Variants in MIPOL1 observed in about 807,000 individuals in gnomAD.
MIPOL1 encodes the protein mirror-image polydactyly 1.
A neutral mutation model predicts 60.9 loss-of-function variants in MIPOL1; 57 were observed. The ratio of observed to expected loss-of-function variants is 0.94; its 90% CI spans 0.76 to 1.17. The LOEUF is 1.17. MIPOL1 is among the 50% of genes most tolerant of loss of function. The pLI is 0.00. For missense variants in MIPOL1, 551 were observed against 511.6 expected, an observed-to-expected ratio of 1.08 and a Z score of -0.74; for synonymous variants, 179 against 168.8, an observed-to-expected ratio of 1.06 and a Z score of -0.47.
chr14:37,287,791 A>T (rs570794652), intron 7 of MIPOL1, among the ~76,000 whole-genome samples: 1 of 151,896 alleles, frequency 6.6e-6, no homozygotes, highest in Non-Finnish European at 1.5e-5. Context: ...TTTAATCTAT[A>T]TTTATTTTTT....
intron 12 of MIPOL1, among the ~76,000 whole-genome samples, chr14:37,511,813 G>T (rs1400693643): frequency 6.6e-6 from 1 of 151,996 alleles, no homozygotes; most frequent in Admixed American, 6.6e-5. Flanking sequence ...TTTACTGTGG[G>T]CCAGATTTAC....
chr14:37,268,768 A>C lies in MIPOL1; in HGVS notation c.362A>C (p.Asp121Ala). The change falls in exon 5 of 13, where the codon GAT becomes GCT. Residue 121 changes from aspartate to alanine, a missense_variant. Coordinates refer to ENST00000684589, the MANE Select transcript of MIPOL1 (RefSeq NM_001388067.1). ...ATAGCATTTCTTCTAAAAGAATTGG[A>C]TATTCTCAGAACAAGCAATAAAAAG... ...KTIAFLLKELDILRTSNKKLQ... is the reference protein window; with the variant it reads ...KTIAFLLKELAILRTSNKKLQ... 1 of 1,591,632 alleles carries C rather than the reference A, an allele frequency of 6.3e-7. No individual in the cohort carries two copies. Among genetic ancestry groups the C allele is most frequent in the Non-Finnish European group, 8.6e-7 (1 of 1,165,970 alleles).
At chr14:37,537,393 T>C (rs1193124648) in intron 12 of MIPOL1, among the ~76,000 whole-genome samples, 1 of 152,160 alleles carries the variant, frequency 6.6e-6, no homozygotes, top group Non-Finnish European at 1.5e-5. Context: ...ACATCCCTGC[T>C]AGTGTCAATT....
At position 37,217,437 on chromosome 14, in the gene MIPOL1, A is replaced by T. The variant is rs1382386494; in HGVS notation, c.-199+19333A>T. Among the ~76,000 whole-genome samples, 4 of 152,316 alleles carry T rather than the reference A, an allele frequency of 2.6e-5. No individual in the cohort carries two copies. The East Asian group carries it at 7.7e-4, about 29-fold the overall frequency. On this transcript the variant is annotated intron_variant, in intron 1 of 12. Transcript: ENST00000684589. ...TGATACCAAAACCAGACAAAGACAC[A>T]TCAAAAAAAGAAAGCCACAGTCCAA...
chr14:37,376,154 A>C (rs947988459), intron 10 of MIPOL1, among the ~76,000 whole-genome samples: 1 of 152,174 alleles, frequency 6.6e-6, no homozygotes, highest in East Asian at 1.9e-4. Context: ...AGAGTGGTAC[A>C]TTTGTTATAG....
intron 1 of MIPOL1, among the ~76,000 whole-genome samples, chr14:37,222,904 C>G (rs1969054806): frequency 6.6e-6 from 1 of 152,112 alleles, no homozygotes; most frequent in South Asian, 2.1e-4. Flanking sequence ...CAGCCCTACT[C>G]CTTGGTATTG....
chr14:37,501,268 A>G (rs747831605), intron 12 of MIPOL1, among the ~76,000 whole-genome samples: 3 of 152,216 alleles, frequency 2.0e-5, no homozygotes, highest in Non-Finnish European at 4.4e-5. Context: ...ATGTACGTTA[A>G]TATTCTAAGA....
intron 1 of MIPOL1, among the ~76,000 whole-genome samples, chr14:37,201,929 T>C (rs972834718): frequency 4.6e-5 from 7 of 152,042 alleles, no homozygotes; most frequent in Non-Finnish European, 8.8e-5. Context: ...TGACCTGGGG[T>C]CAAGCTGTCT....
chr14:37,467,925 G>A (rs2094622035), intron 11 of MIPOL1, among the ~76,000 whole-genome samples: 1 of 151,684 alleles, frequency 6.6e-6, no homozygotes, highest in Non-Finnish European at 1.5e-5. Context: ...GTGGTGGTGT[G>A]CGCCTGTAAT....
At chr14:37,455,808 T>G (rs1246673028) in intron 11 of MIPOL1, among the ~76,000 whole-genome samples, 1 of 152,166 alleles carries the variant, frequency 6.6e-6, no homozygotes, top group Non-Finnish European at 1.5e-5. Flanking sequence ...AATTTTTTTC[T>G]TCATGCACTT....
chr14:37,459,011 G>T (rs919409564), intron 11 of MIPOL1, among the ~76,000 whole-genome samples: 2 of 151,944 alleles, frequency 1.3e-5, no homozygotes, highest in African/African-American at 4.8e-5. Flanking sequence ...TACAGCAAAA[G>T]CAGTGCTAAG....
chr14:37,460,112 AT>A (rs1314632489), intron 11 of MIPOL1, among the ~76,000 whole-genome samples: 4 of 130,882 alleles, frequency 3.1e-5, no homozygotes, highest in African/African-American at 1.0e-4. Flanking sequence ...AATAATAATA[AT>A]AATAAAATTC....
intron 3 of MIPOL1, 41 bp from the exon 4 acceptor site, chr14:37,266,897 G>A (rs1382026667): frequency 2.3e-6 from 3 of 1,288,952 alleles, no homozygotes; most frequent in Admixed American, 1.8e-5. Context: ...TGCAGTTATG[G>A]TGTTTAATAT....
At chr14:37,450,981 G>A (rs1295872165) in intron 11 of MIPOL1, among the ~76,000 whole-genome samples, 3 of 151,958 alleles carry the variant, frequency 2.0e-5, no homozygotes, top group Admixed American at 2.0e-4. Context: ...AAAATATTCT[G>A]TATTCACTTA....
intron 12 of MIPOL1, among the ~76,000 whole-genome samples, chr14:37,519,066 T>C (rs1190471789): frequency 3.9e-5 from 6 of 152,132 alleles, no homozygotes; most frequent in Non-Finnish European, 5.9e-5. Context: ...ATGATACAAT[T>C]AGAAAATCAG....
intron 11 of MIPOL1, among the ~76,000 whole-genome samples, chr14:37,456,596 C>T (rs1286430578): frequency 6.6e-6 from 1 of 152,090 alleles, no homozygotes; most frequent in Non-Finnish European, 1.5e-5. Context: ...GGGCAATAAA[C>T]ATTACCCTGC....
chr14:37,542,413 A>C (rs2095533272), intron 12 of MIPOL1, among the ~76,000 whole-genome samples: 1 of 152,104 alleles, frequency 6.6e-6, no homozygotes, highest in African/African-American at 2.4e-5. Flanking sequence ...TTGCAACCGA[A>C]AGTAAAATGT....
chr14:37,537,935 T>A (rs1247241597), intron 12 of MIPOL1, among the ~76,000 whole-genome samples: 1 of 152,210 alleles, frequency 6.6e-6, no homozygotes, highest in Non-Finnish European at 1.5e-5. Flanking sequence ...GTGTCACAGA[T>A]CATGAAATTA....
At chr14:37,359,626 G>T (rs200943576) in intron 9 of MIPOL1, among the ~76,000 whole-genome samples, 10 of 9,080 alleles carry the variant, frequency 1.1e-3, no homozygotes, top group African/African-American at 1.7e-3. Flanking sequence ...TCATTATTTG[G>T]CTCTCTGTTA....
Sources: gnomAD v4.1 joint callset for allele counts (sites outside exome capture counted in the v4.1 genomes callset) on GRCh38, gnomAD v4.1.1 for gene constraint, MANE v1.5 for transcripts, NCBI Gene and HGNC (gene_info 2026-07-23, HGNC 2026-07-21) for gene names.